Variants in RBFOX3 observed in about 807,000 individuals in gnomAD.
The protein encoded by RBFOX3 is RNA binding protein fox-1 homolog 3.
Under a neutral mutation model 48.7 loss-of-function variants are expected in RBFOX3, and 17 were observed. That is an observed-to-expected ratio of 0.35 (90% CI 0.24 to 0.52). The LOEUF (loss-of-function observed/expected upper bound fraction) is 0.52, where lower values mean the gene tolerates loss of function less well. Ranked by LOEUF, RBFOX3 falls within the 20% of genes least tolerant of loss-of-function variation. The pLI is 0.94. For missense variants in RBFOX3, 382 were observed against 497.5 expected (o/e 0.77, Z 2.21); for synonymous variants, 212 against 209.5 (o/e 1.01, Z -0.10).
intron 4 of RBFOX3, among the ~76,000 whole-genome samples, chr17:79,209,378 T>C (rs951288620): frequency 5.3e-5 from 8 of 152,242 alleles, no homozygotes; most frequent in African/African-American, 1.9e-4. Context: ...TCATCCCTGT[T>C]GTGTCTCCAG....
chr17:79,226,962 C>T (rs2060380223), intron 4 of RBFOX3, among the ~76,000 whole-genome samples: 1 of 152,232 alleles, frequency 6.6e-6, no homozygotes, highest in Admixed American at 6.5e-5. Context: ...ACCCACTAAG[C>T]ATTCTGGGCA....
intron 4 of RBFOX3, among the ~76,000 whole-genome samples, chr17:79,192,641 C>T (rs1259975990): frequency 6.6e-6 from 1 of 152,096 alleles, no homozygotes; most frequent in African/African-American, 2.4e-5. Context: ...CAGCACGGAA[C>T]GAGAGCTGGA....
chr17:79,550,533 A>G (rs1040904830), intron 1 of RBFOX3, among the ~76,000 whole-genome samples: 1 of 152,232 alleles, frequency 6.6e-6, no homozygotes, highest in African/African-American at 2.4e-5. Context: ...AGTATTTTTC[A>G]AAGTACCACT....
At chr17:79,434,056 C>T (rs977800140) in intron 2 of RBFOX3, among the ~76,000 whole-genome samples, 13 of 152,140 alleles carry the variant, frequency 8.5e-5, no homozygotes, top group Non-Finnish European at 1.6e-4. Flanking sequence ...CTGTGTTGCA[C>T]GGGGCTCCAG....
At chr17:79,457,591 G>A (rs1268803159) in intron 2 of RBFOX3, among the ~76,000 whole-genome samples, 1 of 152,178 alleles carries the variant, frequency 6.6e-6, no homozygotes, top group African/African-American at 2.4e-5. Context: ...GGCAGTTGGG[G>A]CGCCCTCTCT....
chr17:79,163,375 G>C (rs1474310561), intron 4 of RBFOX3, among the ~76,000 whole-genome samples: 2 of 152,230 alleles, frequency 1.3e-5, no homozygotes, highest in African/African-American at 2.4e-5. Context: ...GAGAAACTGA[G>C]AGATCCCGGA....
At chr17:79,306,035 A>G (rs1029162870) in intron 3 of RBFOX3, among the ~76,000 whole-genome samples, 1 of 152,244 alleles carries the variant, frequency 6.6e-6, no homozygotes, top group Non-Finnish European at 1.5e-5. Context: ...AGCAGCGTCT[A>G]CAGTCTGCCT....
At chr17:79,522,689 G>C (rs1443360939) in intron 1 of RBFOX3, among the ~76,000 whole-genome samples, 1 of 151,994 alleles carries the variant, frequency 6.6e-6, no homozygotes, top group Middle Eastern at 3.2e-3. Flanking sequence ...CAGCACTTTG[G>C]GATGCCAAAG....
intron 2 of RBFOX3, among the ~76,000 whole-genome samples, chr17:79,402,504 G>A (rs574803384): frequency 1.3e-3 from 196 of 152,324 alleles, no homozygotes; most frequent in African/African-American, 4.5e-3. Flanking sequence ...ACGATCCCCT[G>A]AGAAGCTGTA....
chr17:79,487,374 G>A (rs1411855883), intron 1 of RBFOX3, among the ~76,000 whole-genome samples: 1 of 152,218 alleles, frequency 6.6e-6, no homozygotes, highest in Non-Finnish European at 1.5e-5. Flanking sequence ...GTGGACTTGT[G>A]TTGACAAAGA....
At chr17:79,553,020 G>A (rs2091299134) in intron 1 of RBFOX3, among the ~76,000 whole-genome samples, 1 of 152,030 alleles carries the variant, frequency 6.6e-6, no homozygotes, top group African/African-American at 2.4e-5. Context: ...TGATTGCATT[G>A]GCTAATGCTT....
chr17:79,101,444 C>G lies in RBFOX3; in HGVS notation c.568+140G>C. ...CACCCGCTTCTGACCGGGAGCAGAGCGGCAGCCCCAGGGCTGGGACACTGG... is the reference window on the plus strand; with the variant it reads ...CACCCGCTTCTGACCGGGAGCAGAGGGGCAGCCCCAGGGCTGGGACACTGG... On this transcript the variant is annotated intron_variant, in intron 9 of 14. Coordinates refer to ENST00000693108, the MANE Select transcript of RBFOX3 (RefSeq NM_001350451.2). 2.7e-6 allele frequency: 2 copies of G among 748,462 alleles called. 1 individual carries two copies. Among genetic ancestry groups the G allele is most frequent in the South Asian group, 3.3e-5 (2 of 61,444 alleles). 46.4% of individuals were successfully genotyped at this position (748,462 alleles called of 1,614,324 possible).
At chr17:79,148,156 T>C (rs1205001831) in intron 4 of RBFOX3, among the ~76,000 whole-genome samples, 1 of 152,166 alleles carries the variant, frequency 6.6e-6, no homozygotes, top group Admixed American at 6.5e-5. Context: ...TCTCTAGGTT[T>C]TGGGAGCGGT....
chr17:79,519,760 A>G (rs2085782622), intron 1 of RBFOX3, among the ~76,000 whole-genome samples: 1 of 152,138 alleles, frequency 6.6e-6, no homozygotes, highest in South Asian at 2.1e-4. Context: ...GTGGTCAGTC[A>G]CGTCTCCATG....
intron 1 of RBFOX3, among the ~76,000 whole-genome samples, chr17:79,513,707 G>C (rs2084840048): frequency 6.6e-6 from 1 of 152,202 alleles, no homozygotes; most frequent in African/African-American, 2.4e-5. Context: ...TCCACAGTGG[G>C]AGCCGCACAA....
At chr17:79,507,457 G>T (rs1366354180) in intron 1 of RBFOX3, among the ~76,000 whole-genome samples, 1 of 152,180 alleles carries the variant, frequency 6.6e-6, no homozygotes, top group African/African-American at 2.4e-5. Flanking sequence ...CACATGTCAG[G>T]TGCCCGCGGG....
At chr17:79,620,589 A>ACACACGCACGCACG in the RBFOX3 span, among the ~76,000 whole-genome samples, 1 of 87,208 alleles carries the variant, frequency 1.1e-5, no homozygotes, top group South Asian at 4.1e-4. Flanking sequence ...ACGCACGCAC[A>ACACACGCACGCACG]CACACGCACG....
intron 1 of RBFOX3, among the ~76,000 whole-genome samples, chr17:79,593,280 G>A (rs993790831): frequency 2.0e-5 from 3 of 151,860 alleles, no homozygotes; most frequent in Non-Finnish European, 2.9e-5. Flanking sequence ...TGTAAACTAA[G>A]TCTGTTTCTG....
At chr17:79,472,259 T>A (rs1555757438) in intron 2 of RBFOX3, among the ~76,000 whole-genome samples, 1 of 151,946 alleles carries the variant, frequency 6.6e-6, no homozygotes, top group East Asian at 1.9e-4. Flanking sequence ...GGGTTGGGAG[T>A]GGTAGTCCTT....
Sources: gnomAD v4.1 joint callset for allele counts (sites outside exome capture counted in the v4.1 genomes callset) on GRCh38, gnomAD v4.1.1 for gene constraint, MANE v1.5 for transcripts, NCBI Gene and HGNC (gene_info 2026-07-23, HGNC 2026-07-21) for gene names.